The following EFNA5 variants were observed in gnomAD, a reference collection of about 807,000 sequenced individuals.
The protein encoded by EFNA5 is ephrin A5.
A neutral mutation model predicts 22.9 loss-of-function variants in EFNA5; 5 were observed. The ratio of observed to expected loss-of-function variants is 0.22; its 90% confidence interval spans 0.11 to 0.46. The LOEUF (loss-of-function observed/expected upper bound fraction) is 0.46. EFNA5 is among the 20% of genes least tolerant of loss of function. EFNA5 has a pLI of 0.99. For synonymous variants in EFNA5, 113 were observed against 112.2 expected, an observed-to-expected ratio of 1.01 and a Z score of -0.04; for missense variants, 237 against 293.3, an observed-to-expected ratio of 0.81 and a Z score of 1.40.
At chr5:107,425,754 T>C (rs1361685826) in intron 2 of EFNA5, among the ~76,000 whole-genome samples, 1 of 152,328 alleles carries the variant, frequency 6.6e-6, no homozygotes, top group South Asian at 2.1e-4. Flanking sequence ...ACAGTTATCA[T>C]TGTGATGGTG....
At chr5:107,401,170 G>T (rs1409425066) in intron 2 of EFNA5, among the ~76,000 whole-genome samples, 4 of 152,132 alleles carry the variant, frequency 2.6e-5, no homozygotes, top group Non-Finnish European at 5.9e-5. Flanking sequence ...CTATCCATTA[G>T]CCATGATAGT....
chr5:107,546,408 CAA>C (rs1748155043), intron 1 of EFNA5, among the ~76,000 whole-genome samples: 1 of 152,200 alleles, frequency 6.6e-6, no homozygotes, highest in Non-Finnish European at 1.5e-5. Flanking sequence ...ATAAGCAAGA[CAA>C]ATCACTCATT....
intron 1 of EFNA5, among the ~76,000 whole-genome samples, chr5:107,457,345 C>T (rs1749721273): frequency 6.6e-6 from 1 of 152,070 alleles, no homozygotes; most frequent in Admixed American, 6.6e-5. Context: ...TTGACTCAGC[C>T]TCTGAAGGTC....
At chr5:107,435,315 C>CTTTTTTTTTTTTTTTTTTTTTTTTTTTT (rs3999107) in intron 1 of EFNA5, among the ~76,000 whole-genome samples, 12 of 104,666 alleles carry the variant, frequency 1.1e-4, no homozygotes, top group African/African-American at 4.4e-4. Context: ...TGAAGATGCT[C>CTTTTTTTTTTTTTTTTTTTTTTTTTTTT]TTTTTTTTTT....
intron 1 of EFNA5, among the ~76,000 whole-genome samples, chr5:107,511,475 A>C (rs1039674605): frequency 6.6e-6 from 1 of 152,222 alleles, no homozygotes; most frequent in Non-Finnish European, 1.5e-5. Context: ...AAACTGGTAG[A>C]GAAACAAAAA....
chr5:107,573,540 T>G (rs1341137183), intron 1 of EFNA5, among the ~76,000 whole-genome samples: 4 of 152,092 alleles, frequency 2.6e-5, no homozygotes. Flanking sequence ...AGTCATTCTT[T>G]TATTTATTTG....
intron 1 of EFNA5, among the ~76,000 whole-genome samples, chr5:107,629,467 AC>A (rs1345378493): frequency 1.3e-5 from 2 of 152,182 alleles, no homozygotes; most frequent in African/African-American, 4.8e-5. Context: ...TACAATGTAC[AC>A]CACCAAGAGG....
intron 1 of EFNA5, among the ~76,000 whole-genome samples, chr5:107,481,146 A>G (rs1323676145): frequency 6.6e-6 from 1 of 152,228 alleles, no homozygotes; most frequent in Non-Finnish European, 1.5e-5. Context: ...GCTGACAGGC[A>G]AAAGCCAGAA....
chr5:107,387,361 C>T (rs1747654584), intron 3 of EFNA5, 46 bp from the exon 4 acceptor site: 6 of 1,215,428 alleles, frequency 4.9e-6, no homozygotes, highest in Non-Finnish European at 7.1e-6. Context: ...AGTGAAGACA[C>T]CCTTAAACTC....
At chr5:107,389,531 T>TG (rs1416077307) in intron 2 of EFNA5, among the ~76,000 whole-genome samples, 2 of 152,210 alleles carry the variant, frequency 1.3e-5, no homozygotes, top group Admixed American at 6.5e-5. Context: ...ATTTGCTACA[T>TG]GCACATAACT....
At chr5:107,564,631 GTT>G (rs34585445) in intron 1 of EFNA5, among the ~76,000 whole-genome samples, 3,563 of 114,894 alleles carry the variant, frequency 0.031, 91 homozygotes, top group African/African-American at 0.11. Context: ...TTGGGTTTTT[GTT>G]TTTTTTTTTT....
chr5:107,584,579 T>C (rs1749137311), intron 1 of EFNA5, among the ~76,000 whole-genome samples: 1 of 152,218 alleles, frequency 6.6e-6, no homozygotes, highest in Non-Finnish European at 1.5e-5. Context: ...TGCCAGTCTG[T>C]CTTCTGTTGT....
chr5:107,609,795 G>A (rs777497595), intron 1 of EFNA5, among the ~76,000 whole-genome samples: 4 of 152,242 alleles, frequency 2.6e-5, no homozygotes. Flanking sequence ...TCCAGCCACC[G>A]TGCCCCTGCC....
intron 1 of EFNA5, among the ~76,000 whole-genome samples, chr5:107,569,746 G>T (rs1263647995): frequency 1.4e-5 from 2 of 147,238 alleles, no homozygotes; most frequent in African/African-American, 2.5e-5. Context: ...CAGCTACTTG[G>T]GAGGCTGAGG....
At chr5:107,610,192 A>G (rs907290978) in intron 1 of EFNA5, among the ~76,000 whole-genome samples, 22 of 152,356 alleles carry the variant, frequency 1.4e-4, no homozygotes, top group African/African-American at 5.0e-4. Context: ...AGCCCTTCGA[A>G]GAGTTATTCA....
At chr5:107,591,908 TATAAAAAATATATATATA>T (rs1484449653) in intron 1 of EFNA5, among the ~76,000 whole-genome samples, 3,809 of 18,298 alleles carry the variant, frequency 0.21, 569 homozygotes, top group South Asian at 0.37. Flanking sequence ...TAATATATAA[TATAAAAAATATATATATA>T]ATATATAATA....
chr5:107,551,771 A>T (rs563388500), intron 1 of EFNA5, among the ~76,000 whole-genome samples: 11 of 152,344 alleles, frequency 7.2e-5, no homozygotes, highest in African/African-American at 2.4e-4. Context: ...CTATCAGAAG[A>T]AAGGATGTCT....
Position 107,464,355 on chromosome 5 carries a change from C to G in EFNA5, c.126-36846G>C, listed in dbSNP as rs917791899. ...TTCTGATGAAGATGACAAGCAGCCC[C>G]TGCCCCAGCCCCAGAATAAATGAAA... On this transcript the variant is annotated intron_variant, in intron 1 of 4. Coordinates refer to ENST00000333274, the MANE Select transcript of EFNA5 (RefSeq NM_001962.3). 4.3e-4 allele frequency among the ~76,000 whole-genome samples: 66 copies of G among 152,178 alleles called. 1 individual carries two copies. The highest frequency in any genetic ancestry group is 2.8e-4 in the Non-Finnish European group (19 of 68,026).
At position 107,471,898 on chromosome 5, in the gene EFNA5, C is replaced by T. The variant is rs114620908; in HGVS notation, c.126-44389G>A. On this transcript the variant is annotated intron_variant, in intron 1 of 4. Transcript: ENST00000333274. ...GATATTACATATGTAGTAGTTCTTACATGTAGTTGAAGATTTATCTATTGT... is the reference window on the plus strand; with the variant it reads ...GATATTACATATGTAGTAGTTCTTATATGTAGTTGAAGATTTATCTATTGT... 7.7e-3 allele frequency among the ~76,000 whole-genome samples: 1,174 copies of T among 152,298 alleles called. 19 individuals are homozygous for T. Among genetic ancestry groups the T allele is most frequent in the African/African-American group, 0.027 (1,130 of 41,576 alleles).
Sources: gnomAD v4.1 joint callset for allele counts (sites outside exome capture counted in the v4.1 genomes callset) on GRCh38, gnomAD v4.1.1 for gene constraint, MANE v1.5 for transcripts, NCBI Gene and HGNC (gene_info 2026-07-23, HGNC 2026-07-21) for gene names.